LRIG3: variants seen among roughly 807,000 people sequenced by gnomAD.
LRIG3 encodes leucine rich repeats and immunoglobulin like domains 3.
Under a neutral mutation model 114.5 loss-of-function variants are expected in LRIG3, and 76 were observed. The ratio of observed to expected loss-of-function variants is 0.66; its 90% confidence interval spans 0.55 to 0.80. LRIG3 has a LOEUF of 0.80. Among genes scored for constraint, LRIG3 ranks in the 30% least tolerant of loss-of-function variants. LRIG3 has a pLI of 0.00. For synonymous variants in LRIG3, 512 were observed against 519.8 expected (o/e 0.98, Z 0.20); for missense variants, 1,239 against 1,382.8 (o/e 0.90, Z 1.65).
intron 3 of LRIG3, among the ~76,000 whole-genome samples, chr12:58,900,186 C>T (rs11172809): frequency 0.035 from 5,270 of 152,124 alleles, 142 homozygotes; most frequent in Non-Finnish European, 0.051. Context: ...CTTCTATCCT[C>T]CTATACAAAA....
intron 11 of LRIG3, 139 bp from the exon 12 acceptor site, chr12:58,883,171 C>A: frequency 1.3e-6 from 1 of 790,690 alleles, no homozygotes; most frequent in Non-Finnish European, 1.9e-6. Context: ...ATCCCACAGT[C>A]CATTTTAAAA....
intron 3 of LRIG3, among the ~76,000 whole-genome samples, chr12:58,901,050 T>C (rs1286502701): frequency 1.3e-5 from 2 of 152,192 alleles, no homozygotes; most frequent in Admixed American, 1.3e-4. Flanking sequence ...ATTCACATAT[T>C]TGATGAATCG....
rs750688300 is a variant in LRIG3, at chr12:58,872,560, G to C, written c.*12C>G. The C allele has an allele frequency of 1.9e-6, 3 of 1,590,814 alleles. No homozygotes were observed. Among genetic ancestry groups the C allele is most frequent in the Non-Finnish European group, 2.6e-6 (3 of 1,166,580 alleles). On this transcript the variant is annotated 3_prime_UTR_variant, in exon 19 of 19. Coordinates refer to ENST00000320743, the MANE Select transcript of LRIG3 (RefSeq NM_153377.5). ...GGTAGTATGTTAAGCTTTTCCTTTGGTCTCATTCAGTCTATGTGTCCAAGT... is the reference window on the plus strand; with the variant it reads ...GGTAGTATGTTAAGCTTTTCCTTTGCTCTCATTCAGTCTATGTGTCCAAGT...
intron 1 of LRIG3, among the ~76,000 whole-genome samples, chr12:58,915,858 AC>A (rs1232754371): frequency 6.6e-6 from 1 of 152,184 alleles, no homozygotes; most frequent in African/African-American, 2.4e-5. Context: ...CCAGACAGTC[AC>A]AGATTTCCCA....
intron 3 of LRIG3, among the ~76,000 whole-genome samples, chr12:58,907,222 T>C (rs551048713): frequency 6.6e-6 from 1 of 152,318 alleles, no homozygotes; most frequent in South Asian, 2.1e-4. Flanking sequence ...GGCCAAATCC[T>C]ATTTTTCCTT....
At position 58,914,318 on chromosome 12, in the gene LRIG3, T is replaced by A; in HGVS notation, c.255A>T (p.Arg85Ser). Residue 85 changes from arginine to serine, a missense_variant, in exon 2 of 19, where the codon AGA (arginine) becomes AGT (serine). Physicochemically the swap from Arg to Ser is moderately radical, Grantham distance 110 (BLOSUM62 -1). Transcript: ENST00000320743. ...WVARLDLSHNRLSFIKASSMS... is the reference protein window; with the variant it reads ...WVARLDLSHNSLSFIKASSMS... ...TGGAACTTGCCTTGATGAAAGATAA[T>A]CTGTTGTGACTTAAGTCCCTATAAG... 1 of 1,613,766 alleles carries A rather than the reference T, an allele frequency of 6.2e-7. No individual in the cohort carries two copies. The highest frequency in any genetic ancestry group is 8.5e-7 in the Non-Finnish European group (1 of 1,179,774).
At chr12:58,896,989 C>T (rs974941151) in intron 3 of LRIG3, among the ~76,000 whole-genome samples, 3 of 152,166 alleles carry the variant, frequency 2.0e-5, no homozygotes, top group Non-Finnish European at 2.9e-5. Flanking sequence ...CCACTCCCTC[C>T]GAAAAGCTTC....
chr12:58,917,877 C>T (rs1872537719), intron 1 of LRIG3, among the ~76,000 whole-genome samples: 1 of 152,086 alleles, frequency 6.6e-6, no homozygotes, highest in Admixed American at 6.5e-5. Context: ...TTTCTAATTA[C>T]GAAAAACTTT....
intron 3 of LRIG3, among the ~76,000 whole-genome samples, chr12:58,891,684 C>T (rs916973424): frequency 6.6e-6 from 1 of 152,102 alleles, no homozygotes; most frequent in Non-Finnish European, 1.5e-5. Context: ...TCTTCAACAC[C>T]AATGAATATG....
In LRIG3 at chr12:58,911,691, T is replaced by G. The variant is rs141180265; in HGVS notation, c.383+2291A>C. Among the ~76,000 whole-genome samples the G allele has an allele frequency of 3.4e-3, 518 of 152,244 alleles. 2 individuals carry two copies. The highest frequency in any genetic ancestry group is 0.012 in the African/African-American group (485 of 41,548). ...ATTTTTTTTAATCTCAGAAAAGCAT[T>G]TAAGAACTCATTTTTAGCTTTATTT... is the stretch of plus-strand genomic sequence containing the variant. On this transcript the variant is annotated intron_variant, in intron 3 of 18. Coordinates refer to ENST00000320743, the MANE Select transcript of LRIG3 (RefSeq NM_153377.5).
rs560150027 is a variant in LRIG3 at position 58,888,679 on chromosome 12, T to A, written c.803+140A>T. 44 of 1,334,786 alleles carry A rather than the reference T, an allele frequency of 3.3e-5. No homozygotes were observed. The African/African-American group carries it at 4.4e-4, about 13-fold the overall frequency. 82.7% of individuals were successfully genotyped at this position (1,334,786 alleles called of 1,614,324 possible). A position where few individuals can be genotyped will look rare whatever the true frequency, so the allele number is the denominator to read the frequency against. On this transcript the variant is annotated intron_variant, in intron 6 of 18. Coordinates refer to ENST00000320743, the MANE Select transcript of LRIG3 (RefSeq NM_153377.5). ...TAAATTATCGATCACATTACCTGAA[T>A]CAAAACTGAATACTGACTTATAAAT...
Position 58,913,722 on chromosome 12 carries a change from G to C in LRIG3, c.383+260C>G, listed in dbSNP as rs770970145. ...AAAATACACATTTCTATGGTGTAAA[G>C]CTGGCCTCTTTGAATCTCGAAGACC... On this transcript the variant is annotated intron_variant, in intron 3 of 18. Coordinates refer to ENST00000320743, the MANE Select transcript of LRIG3 (RefSeq NM_153377.5). The C allele has an allele frequency of 8.9e-5, 37 of 416,872 alleles. No homozygotes were observed. The East Asian group carries it at 1.2e-3, about 14-fold the overall frequency. The allele number at this position is 416,872 out of a possible 1,614,324, so 25.8% of individuals were successfully genotyped here.
intron 13 of LRIG3, among the ~76,000 whole-genome samples, chr12:58,879,553 C>T (rs1144546): frequency 6.6e-6 from 1 of 152,134 alleles, no homozygotes; most frequent in Admixed American, 6.5e-5. Flanking sequence ...CAAAACTGTT[C>T]TATGTGCCAG....
intron 1 of LRIG3, chr12:58,914,615 G>T (rs538020914): frequency 3.0e-6 from 1 of 328,290 alleles, no homozygotes; most frequent in African/African-American, 2.1e-5. Context: ...TTGTGAACTG[G>T]CAGGTCTGCT....
chr12:58,889,948 G>A, intron 5 of LRIG3, 48 bp downstream of exon 5: 2 of 1,585,538 alleles, frequency 1.3e-6, no homozygotes, highest in African/African-American at 1.3e-5. Context: ...AAGACACCAA[G>A]GGTTTGGAGG....
At chr12:58,913,497 G>A (rs947904492) in intron 3 of LRIG3, 4 of 152,214 alleles carry the variant, frequency 2.6e-5, no homozygotes, top group Non-Finnish European at 5.9e-5. Context: ...TTTTTGAGTT[G>A]ATGTCTCTGA....
chr12:58,887,434 T>C (rs1871311929), intron 8 of LRIG3, among the ~76,000 whole-genome samples: 1 of 152,198 alleles, frequency 6.6e-6, no homozygotes, highest in Admixed American at 6.6e-5. Context: ...AACAGTATCT[T>C]CCTTGCCCTT....
At chr12:58,887,704 C>T in intron 8 of LRIG3, 85 bp downstream of exon 8, 1 of 1,447,154 alleles carries the variant, frequency 6.9e-7, no homozygotes, top group South Asian at 1.2e-5. Context: ...ATTTCCTTGA[C>T]AACAAAGGAA....
intron 3 of LRIG3, among the ~76,000 whole-genome samples, chr12:58,892,565 G>A (rs1014597875): frequency 2.0e-5 from 3 of 152,158 alleles, no homozygotes; most frequent in African/African-American, 7.2e-5. Context: ...GCTGCAAGCT[G>A]ACGTCAAACT....
Sources: gnomAD v4.1 joint callset for allele counts (sites outside exome capture counted in the v4.1 genomes callset) on GRCh38, gnomAD v4.1.1 for gene constraint, MANE v1.5 for transcripts, NCBI Gene and HGNC (gene_info 2026-07-23, HGNC 2026-07-21) for gene names.